L3MBTL4: variants seen among roughly 807,000 people sequenced by gnomAD.
L3MBTL4 encodes L3MBTL histone methyl-lysine binding protein 4, also known as lethal(3)malignant brain tumor-like protein 4.
L3MBTL4 carries 70 observed loss-of-function variants against 84.5 expected under a neutral mutation model. That is an observed-to-expected ratio of 0.83 (90% confidence interval 0.68 to 1.01). The LOEUF is 1.01. Ranked by LOEUF, L3MBTL4 falls within the 50% of genes least tolerant of loss-of-function variation. The probability of loss-of-function intolerance (pLI) is 0.00; values close to 1 mark genes in which losing one functional copy is unlikely to be tolerated. For synonymous variants in L3MBTL4, 274 were observed against 259.8 expected (o/e 1.05, Z -0.52); for missense variants, 715 against 754.8 (o/e 0.95, Z 0.62).
At position 6,301,896 on chromosome 18, in the gene L3MBTL4, T is replaced by A. The variant is rs754209168; in HGVS notation, c.127+7A>T. On this transcript the variant is annotated splice_region_variant and intron_variant, in intron 4 of 18. Coordinates refer to ENST00000317931, the MANE Select transcript of L3MBTL4 (RefSeq NM_001330559.2). ...GAACTACCACTGTAAATATTGGTGA[T>A]AATTACCGTGACTCAAAGGGGTTGT... The A allele has an allele frequency of 6.2e-7, 1 of 1,607,642 alleles. No homozygotes were observed. The highest frequency in any genetic ancestry group is 1.1e-5 in the South Asian group (1 of 90,974).
intron 16 of L3MBTL4, among the ~76,000 whole-genome samples, chr18:5,996,919 C>T (rs1298858854): frequency 6.6e-6 from 1 of 152,088 alleles, no homozygotes; most frequent in Non-Finnish European, 1.5e-5. Context: ...TTTATTTTCC[C>T]TCCCGATCCA....
intron 5 of L3MBTL4, among the ~76,000 whole-genome samples, chr18:6,250,648 G>A (rs2047884028): frequency 6.6e-6 from 1 of 152,018 alleles, no homozygotes; most frequent in Non-Finnish European, 1.5e-5. Context: ...GGGGGAAATT[G>A]GGCCTGCAAT....
intron 13 of L3MBTL4, among the ~76,000 whole-genome samples, chr18:6,152,546 G>GA (rs555295862): frequency 6.6e-6 from 1 of 151,598 alleles, no homozygotes; most frequent in Non-Finnish European, 1.5e-5. Flanking sequence ...GGCTTCTTCA[G>GA]AAAAAAAAGT....
At chr18:6,013,628 T>C (rs1003406518) in intron 16 of L3MBTL4, among the ~76,000 whole-genome samples, 3 of 152,310 alleles carry the variant, frequency 2.0e-5, no homozygotes, top group Non-Finnish European at 4.4e-5. Flanking sequence ...TGGTCCAACG[T>C]CCCTGCCATC....
chr18:6,008,534 G>GGT (rs1256638591), intron 16 of L3MBTL4, among the ~76,000 whole-genome samples: 2 of 152,202 alleles, frequency 1.3e-5, no homozygotes, highest in African/African-American at 2.4e-5. Context: ...GCCTTTCCTA[G>GGT]GTGTGTGTGT....
chr18:6,134,483 G>A (rs865866183), intron 14 of L3MBTL4, among the ~76,000 whole-genome samples: 1 of 152,162 alleles, frequency 6.6e-6, no homozygotes, highest in Non-Finnish European at 1.5e-5. Flanking sequence ...TTCTGCCTAT[G>A]AGCCTGTAAA....
chr18:6,347,049 A>G (rs1382018570), intron 1 of L3MBTL4, among the ~76,000 whole-genome samples: 2 of 152,162 alleles, frequency 1.3e-5, no homozygotes, highest in Admixed American at 1.3e-4. Flanking sequence ...TCCAGAGGGC[A>G]TTACATAAAG....
chr18:5,969,270 G>T, intron 17 of L3MBTL4, 123 bp downstream of exon 17: 2 of 1,045,386 alleles, frequency 1.9e-6, no homozygotes, highest in Non-Finnish European at 2.9e-6. Flanking sequence ...TTACATGGCA[G>T]ATGCGATGCC....
chr18:6,344,133 T>C (rs1297801308), intron 1 of L3MBTL4, among the ~76,000 whole-genome samples: 5 of 151,976 alleles, frequency 3.3e-5, no homozygotes, highest in African/African-American at 1.2e-4. Context: ...GACGATCAAC[T>C]TGACAAACCT....
intron 13 of L3MBTL4, among the ~76,000 whole-genome samples, chr18:6,164,805 C>T (rs186637650): frequency 1.3e-5 from 2 of 152,320 alleles, no homozygotes; most frequent in East Asian, 3.9e-4. Context: ...CAGCTCCTCA[C>T]CAGCAACGGA....
chr18:6,239,210 G>A (rs1039910896), intron 9 of L3MBTL4, among the ~76,000 whole-genome samples: 1 of 150,902 alleles, frequency 6.6e-6, no homozygotes, highest in Non-Finnish European at 1.5e-5. Context: ...GCGTAGTGGC[G>A]GGCGCCTGTA....
chr18:6,342,202 T>C (rs529991809), intron 1 of L3MBTL4, among the ~76,000 whole-genome samples: 1 of 152,244 alleles, frequency 6.6e-6, no homozygotes, highest in South Asian at 2.1e-4. Context: ...TAAACCTCAC[T>C]GGTAAAGGTA....
At chr18:6,015,322 G>C (rs947197625) in intron 16 of L3MBTL4, among the ~76,000 whole-genome samples, 1 of 152,036 alleles carries the variant, frequency 6.6e-6, no homozygotes, top group African/African-American at 2.4e-5. Flanking sequence ...TATGTGGGAG[G>C]GAAGCCAGAA....
At chr18:6,073,301 CA>C (rs1329990264) in intron 16 of L3MBTL4, among the ~76,000 whole-genome samples, 2 of 151,776 alleles carry the variant, frequency 1.3e-5, no homozygotes, top group Non-Finnish European at 2.9e-5. Flanking sequence ...ATAAACAACT[CA>C]ATAGCAACAG....
At chr18:6,007,218 C>T (rs2054526823) in intron 16 of L3MBTL4, among the ~76,000 whole-genome samples, 1 of 151,832 alleles carries the variant, frequency 6.6e-6, no homozygotes, top group African/African-American at 2.4e-5. Context: ...GGAGAAAAAT[C>T]TAGTGTCCTA....
chr18:6,082,814 GC>G (rs1337991462), intron 15 of L3MBTL4, among the ~76,000 whole-genome samples: 1 of 152,128 alleles, frequency 6.6e-6, no homozygotes, highest in East Asian at 1.9e-4. Context: ...GTATAGTCTT[GC>G]TTTCAAATGA....
At chr18:6,091,244 C>A (rs756593047) in intron 15 of L3MBTL4, among the ~76,000 whole-genome samples, 84 of 138,370 alleles carry the variant, frequency 6.1e-4, no homozygotes, top group South Asian at 7.8e-4. Context: ...TGTTCCCTTG[C>A]CCTGGAATTT....
intron 16 of L3MBTL4, among the ~76,000 whole-genome samples, chr18:6,003,067 T>TAAAAAAGG (rs1567970908): frequency 1.2e-4 from 13 of 110,572 alleles, no homozygotes; most frequent in East Asian, 1.0e-3. Flanking sequence ...AGTATCTCTA[T>TAAAAAAGG]TTATAGAGAT....
chr18:6,046,527 T>TA (rs935089601), intron 16 of L3MBTL4, among the ~76,000 whole-genome samples: 9 of 151,990 alleles, frequency 5.9e-5, no homozygotes, highest in East Asian at 3.9e-4. Flanking sequence ...CTCAATAAAT[T>TA]AAAAAAAATT....
Sources: gnomAD v4.1 joint callset for allele counts (sites outside exome capture counted in the v4.1 genomes callset) on GRCh38, gnomAD v4.1.1 for gene constraint, MANE v1.5 for transcripts, NCBI Gene and HGNC (gene_info 2026-07-23, HGNC 2026-07-21) for gene names.